The following PTPN9 variants were observed in gnomAD, a reference collection of about 807,000 sequenced individuals.
The protein encoded by PTPN9 is tyrosine-protein phosphatase non-receptor type 9.
PTPN9 carries 26 observed loss-of-function variants against 69.8 expected under a neutral mutation model. The ratio of observed to expected loss-of-function variants is 0.37; its 90% CI spans 0.27 to 0.52. The LOEUF (loss-of-function observed/expected upper bound fraction) is 0.52. PTPN9 is among the 20% of genes least tolerant of loss of function. The pLI is 0.91. For synonymous variants in PTPN9, 274 were observed against 272.5 expected (o/e 1.01, Z -0.05); for missense variants, 549 against 740.3 (o/e 0.74, Z 3.00).
At chr15:75,513,695 A>G (rs570704203) in intron 5 of PTPN9, among the ~76,000 whole-genome samples, 8 of 151,866 alleles carry the variant, frequency 5.3e-5, no homozygotes, top group African/African-American at 1.9e-4. Context: ...TGAACCCGGG[A>G]GGCGGAGGCT....
At chr15:75,555,549 G>A (rs1410997471) in intron 1 of PTPN9, among the ~76,000 whole-genome samples, 1 of 151,920 alleles carries the variant, frequency 6.6e-6, no homozygotes, top group Non-Finnish European at 1.5e-5. Context: ...CTGTCACCCA[G>A]GCTGGAGTGC....
intron 1 of PTPN9, among the ~76,000 whole-genome samples, chr15:75,568,852 TA>T (rs954001617): frequency 2.6e-5 from 4 of 152,012 alleles, no homozygotes; most frequent in African/African-American, 9.7e-5. Flanking sequence ...AAAAAAATTT[TA>T]AAAAGTGAAC....
At position 75,481,030 on chromosome 15, in the gene PTPN9, G is replaced by A. The variant is rs1437627808; in HGVS notation, c.1063-1116C>T. 5.7e-3 allele frequency among the ~76,000 whole-genome samples: 420 copies of A among 73,370 alleles called. 2 individuals carry two copies. Among genetic ancestry groups the A allele is most frequent in the Non-Finnish European group, 8.7e-3 (308 of 35,466 alleles). 48.1% of individuals were successfully genotyped at this position (73,370 alleles called of 152,430 possible). A position where few individuals can be genotyped will look rare whatever the true frequency, so the allele number is the denominator to read the frequency against. Reference sequence around the variant, plus strand: ...CCATCCCATCTAGGAAGTGAGGAGCGCCTCTTCCCAGCCGCCATCACATCT... The same window carrying A: ...CCATCCCATCTAGGAAGTGAGGAGCACCTCTTCCCAGCCGCCATCACATCT... On this transcript the variant is annotated intron_variant, in intron 8 of 12. Coordinates refer to ENST00000618819, the MANE Select transcript of PTPN9 (RefSeq NM_002833.4).
intron 1 of PTPN9, among the ~76,000 whole-genome samples, chr15:75,540,718 G>A (rs557620565): frequency 6.6e-6 from 1 of 152,148 alleles, no homozygotes; most frequent in East Asian, 1.9e-4. Flanking sequence ...GGAGGCTGAG[G>A]TGGGAGGATT....
At chr15:75,476,740 A>G (rs1227764373) in intron 9 of PTPN9, among the ~76,000 whole-genome samples, 2 of 152,194 alleles carry the variant, frequency 1.3e-5, no homozygotes, top group Non-Finnish European at 2.9e-5. Flanking sequence ...TGTTTTCTAA[A>G]TGTTCTACAA....
chr15:75,514,018 G>A (rs2074855894), intron 5 of PTPN9, among the ~76,000 whole-genome samples: 2 of 149,928 alleles, frequency 1.3e-5, no homozygotes, highest in Non-Finnish European at 2.9e-5. Flanking sequence ...AGAATCGCTT[G>A]AACCTGGGAG....
chr15:75,515,138 A>AG (rs1275631119), intron 5 of PTPN9, among the ~76,000 whole-genome samples: 1 of 152,172 alleles, frequency 6.6e-6, no homozygotes, highest in Non-Finnish European at 1.5e-5. Flanking sequence ...AATAAAAAAA[A>AG]GAAATCGGGC....
chr15:75,574,517 G>A (rs554137846), intron 1 of PTPN9, among the ~76,000 whole-genome samples: 2 of 152,250 alleles, frequency 1.3e-5, no homozygotes, highest in Non-Finnish European at 2.9e-5. Context: ...GAATTCAAGA[G>A]ATATTCAGGA....
At position 75,554,005 on chromosome 15, in the gene PTPN9, CTTT is replaced by C. The variant is rs72050060; in HGVS notation, c.63+24706_63+24708del. ...AACCTGCTAGACCAATACTTTCTTTCTTTTTTTTTTTTTTTTTTGATTTTTTTT... is the reference window on the plus strand; with the variant it reads ...AACCTGCTAGACCAATACTTTCTTTCTTTTTTTTTTTTTTTGATTTTTTTT... On this transcript the variant is annotated intron_variant, in intron 1 of 12. Coordinates refer to ENST00000618819, the MANE Select transcript of PTPN9 (RefSeq NM_002833.4). Among the ~76,000 whole-genome samples the C allele has an allele frequency of 6.7e-4, 84 of 125,374 alleles. 1 individual carries two copies. The highest frequency in any genetic ancestry group is 7.2e-4 in the African/African-American group (24 of 33,338). 82.3% of individuals were successfully genotyped at this position (125,374 alleles called of 152,430 possible).
At position 75,470,842 on chromosome 15, in the gene PTPN9, C is replaced by A. The variant is rs377653679; in HGVS notation, c.1209-12G>T. 6.2e-7 allele frequency: 1 copy of A among 1,613,670 alleles called. No homozygotes were observed. The highest frequency in any genetic ancestry group is 8.5e-7 in the Non-Finnish European group (1 of 1,179,804). ...CGCCTTCCTCAAAGCTGAAGACACA[C>A]AGAGCAAGGTAAGCCTTCCATCGTT... On this transcript the variant is annotated splice_polypyrimidine_tract_variant and intron_variant, in intron 10 of 12. Coordinates refer to ENST00000618819, the MANE Select transcript of PTPN9 (RefSeq NM_002833.4).
chr15:75,546,655 G>A (rs1038641136), intron 1 of PTPN9, among the ~76,000 whole-genome samples: 1 of 150,656 alleles, frequency 6.6e-6, no homozygotes, highest in African/African-American at 2.4e-5. Flanking sequence ...AAAAAAAAAA[G>A]AAATAGAGAA....
chr15:75,561,150 T>C (rs912520656), intron 1 of PTPN9, among the ~76,000 whole-genome samples: 8 of 151,280 alleles, frequency 5.3e-5, no homozygotes, highest in African/African-American at 1.9e-4. Flanking sequence ...ACCTTATCTA[T>C]ATTAAAAATA....
intron 1 of PTPN9, among the ~76,000 whole-genome samples, chr15:75,575,872 T>C (rs953896805): frequency 1.0e-4 from 15 of 144,900 alleles, no homozygotes; most frequent in African/African-American, 2.8e-4. Flanking sequence ...TGAGCCGAGA[T>C]TGCGCCACTG....
intron 7 of PTPN9, among the ~76,000 whole-genome samples, chr15:75,491,091 G>A (rs1028528311): frequency 3.3e-5 from 5 of 151,186 alleles, no homozygotes; most frequent in Non-Finnish European, 4.4e-5. Flanking sequence ...CCTGGGTGAC[G>A]GAGAGAAACC....
intron 1 of PTPN9, among the ~76,000 whole-genome samples, chr15:75,534,244 T>C (rs1190227938): frequency 6.6e-6 from 1 of 152,234 alleles, no homozygotes; most frequent in Non-Finnish European, 1.5e-5. Context: ...TTCTTTACTC[T>C]GGTCATTTCA....
intron 1 of PTPN9, among the ~76,000 whole-genome samples, chr15:75,550,616 C>T (rs2075053058): frequency 6.6e-6 from 1 of 151,456 alleles, no homozygotes; most frequent in Non-Finnish European, 1.5e-5. Context: ...GGTGAAACCC[C>T]ATCTTTACTA....
chr15:75,514,311 G>T (rs1250235997), intron 5 of PTPN9, among the ~76,000 whole-genome samples: 1 of 152,094 alleles, frequency 6.6e-6, no homozygotes, highest in Non-Finnish European at 1.5e-5. Flanking sequence ...GGGCACAGTG[G>T]TTCACGCCTG....
In PTPN9 at chr15:75,490,390, A is replaced by G. The variant is rs1053531655; in HGVS notation, c.969-89T>C. ...ATCTGACCATGCTAAAGGGGTGTCA[A>G]TTACTCTTAGGGGTGGAGACATGGA... On this transcript the variant is annotated intron_variant, in intron 7 of 12. Coordinates refer to ENST00000618819, the MANE Select transcript of PTPN9 (RefSeq NM_002833.4). 2.2e-4 allele frequency: 197 copies of G among 889,368 alleles called. 3 individuals are homozygous for G. The Admixed American group carries it at 3.5e-3, about 16-fold the overall frequency. The allele number at this position is 889,368 out of a possible 1,614,324, so 55.1% of individuals were successfully genotyped here.
intron 1 of PTPN9, among the ~76,000 whole-genome samples, chr15:75,536,475 TA>T (rs957539471): frequency 7.9e-5 from 12 of 152,136 alleles, no homozygotes; most frequent in African/African-American, 2.7e-4. Context: ...TCTATGGATA[TA>T]AAAAAAATTT....
Sources: gnomAD v4.1 joint callset for allele counts (sites outside exome capture counted in the v4.1 genomes callset) on GRCh38, gnomAD v4.1.1 for gene constraint, MANE v1.5 for transcripts, NCBI Gene and HGNC (gene_info 2026-07-23, HGNC 2026-07-21) for gene names.